RAPGEF2: variants seen among roughly 807,000 people sequenced by gnomAD.
The protein encoded by RAPGEF2 is Rap guanine nucleotide exchange factor 2, also known as PDZ domain containing guanine nucleotide exchange factor (GEF) 1.
RAPGEF2 carries 54 observed loss-of-function variants against 186.7 expected under a neutral mutation model. That is an observed-to-expected ratio of 0.29 (90% CI 0.23 to 0.36). The LOEUF (loss-of-function observed/expected upper bound fraction) is 0.36, where lower values mean the gene tolerates loss of function less well. Ranked by LOEUF, RAPGEF2 falls within the 10% of genes least tolerant of loss-of-function variation. The probability of loss-of-function intolerance (pLI) is 1.00; values close to 1 mark genes in which losing one functional copy is unlikely to be tolerated. For missense variants in RAPGEF2, 1,532 were observed against 2,045.0 expected (o/e 0.75, Z 4.84); for synonymous variants, 712 against 705.9 (o/e 1.01, Z -0.14).
intron 4 of RAPGEF2, among the ~76,000 whole-genome samples, chr4:159,224,736 C>T (rs1751855578): frequency 6.6e-6 from 1 of 152,060 alleles, no homozygotes. Flanking sequence ...AGAAGAGAAT[C>T]CCTGGAAGAT....
chr4:159,138,368 A>G (rs760186065), intron 1 of RAPGEF2, among the ~76,000 whole-genome samples: 17 of 152,368 alleles, frequency 1.1e-4, no homozygotes, highest in Middle Eastern at 3.4e-3. Flanking sequence ...TTATCCAGCT[A>G]AAGTTACTAA....
At chr4:159,112,343 A>G (rs1012786415) in intron 1 of RAPGEF2, among the ~76,000 whole-genome samples, 3 of 152,172 alleles carry the variant, frequency 2.0e-5, no homozygotes, top group African/African-American at 7.2e-5. Flanking sequence ...AGCATACCAC[A>G]TTTGGGAGAT....
intron 1 of RAPGEF2, among the ~76,000 whole-genome samples, chr4:159,166,098 AGG>A (rs1354399797): frequency 6.6e-6 from 1 of 152,114 alleles, no homozygotes; most frequent in East Asian, 1.9e-4. Flanking sequence ...GTGGATCACA[AGG>A]TTGGGAGTTT....
At chr4:159,123,521 T>C (rs892941966) in intron 1 of RAPGEF2, among the ~76,000 whole-genome samples, 2 of 151,512 alleles carry the variant, frequency 1.3e-5, no homozygotes, top group Non-Finnish European at 2.9e-5. Context: ...TGTCTGTGGG[T>C]GGGATATGGA....
At chr4:159,146,314 A>G (rs1742954040) in intron 1 of RAPGEF2, among the ~76,000 whole-genome samples, 1 of 151,914 alleles carries the variant, frequency 6.6e-6, no homozygotes. Context: ...GCCATAAAAA[A>G]TCAGAAGTTT....
chr4:159,153,973 TTCTA>T (rs1176786947), intron 1 of RAPGEF2, among the ~76,000 whole-genome samples: 1 of 152,208 alleles, frequency 6.6e-6, no homozygotes, highest in Non-Finnish European at 1.5e-5. Context: ...TTTTAAACAT[TTCTA>T]TCTCTCAGTC....
intron 1 of RAPGEF2, among the ~76,000 whole-genome samples, chr4:159,144,308 C>T (rs541533321): frequency 1.3e-5 from 2 of 152,146 alleles, no homozygotes; most frequent in Non-Finnish European, 2.9e-5. Context: ...GTTCATTTAT[C>T]TTAGTTGGTG....
chr4:159,190,305 G>A (rs1188454656), intron 2 of RAPGEF2, among the ~76,000 whole-genome samples: 1 of 152,190 alleles, frequency 6.6e-6, no homozygotes, highest in Non-Finnish European at 1.5e-5. Context: ...AAGCTTTGTG[G>A]GGCCTTGTGG....
At chr4:159,139,760 G>A (rs1742111653) in intron 1 of RAPGEF2, among the ~76,000 whole-genome samples, 1 of 152,158 alleles carries the variant, frequency 6.6e-6, no homozygotes, top group Non-Finnish European at 1.5e-5. Flanking sequence ...TGAACAAAGA[G>A]GACAGATTTT....
intron 1 of RAPGEF2, among the ~76,000 whole-genome samples, chr4:159,179,928 T>C (rs575123340): frequency 6.6e-6 from 1 of 152,322 alleles, no homozygotes; most frequent in South Asian, 2.1e-4. Flanking sequence ...GTGCAAGTTT[T>C]AAGGGTTCCT....
chr4:159,332,730 T>C lies in RAPGEF2; in HGVS notation c.2135+33T>C, dbSNP rs748423912. On this transcript the variant is annotated intron_variant, in intron 17 of 29. Transcript: ENST00000691494. ...TCTGCATATGTCTTCTGTGCATTATTTTATTTTGTTAAAATGATATGCAAA... is the reference window on the plus strand; with the variant it reads ...TCTGCATATGTCTTCTGTGCATTATCTTATTTTGTTAAAATGATATGCAAA... 1.1e-5 allele frequency: 18 copies of C among 1,599,452 alleles called. No homozygotes were observed. The Admixed American group carries it at 3.1e-4, about 28-fold the overall frequency.
rs34827512 is a variant in RAPGEF2 at position 159,195,875 on chromosome 4, GT to G, written c.197+2648del. Reference sequence around the variant, plus strand: ...GATTACAGTGTCTTCAAACATACCTGTTTTTTTTTTTTTTTTTTTTTTTTTT... The same window carrying G: ...GATTACAGTGTCTTCAAACATACCTGTTTTTTTTTTTTTTTTTTTTTTTTT... On this transcript the variant is annotated intron_variant, in intron 3 of 29. Transcript: ENST00000691494. Among the ~76,000 whole-genome samples, 813 of 94,164 alleles carry G rather than the reference GT, an allele frequency of 8.6e-3. 3 individuals are homozygous for G. The highest frequency in any genetic ancestry group is 0.02 in the African/African-American group (502 of 25,354). The allele number at this position is 94,164 out of a possible 152,430, so 61.8% of individuals were successfully genotyped here. A position where few individuals can be genotyped will look rare whatever the true frequency, so the allele number is the denominator to read the frequency against.
chr4:159,156,500 A>G (rs1744136334), intron 1 of RAPGEF2, among the ~76,000 whole-genome samples: 1 of 152,004 alleles, frequency 6.6e-6, no homozygotes, highest in Non-Finnish European at 1.5e-5. Flanking sequence ...AAAAAAAATT[A>G]TACTTTAAGT....
intron 1 of RAPGEF2, among the ~76,000 whole-genome samples, chr4:159,104,524 G>GAC (rs1326898834): frequency 0.014 from 1,635 of 117,442 alleles, 46 homozygotes; most frequent in Middle Eastern, 0.025. Flanking sequence ...GAGAGAGAGA[G>GAC]AGGGAGAGAC....
chr4:159,281,070 C>T (rs1759632298), intron 7 of RAPGEF2, among the ~76,000 whole-genome samples: 1 of 151,720 alleles, frequency 6.6e-6, no homozygotes. Flanking sequence ...ACTGCAACCT[C>T]TACTTCCGCC....
intron 7 of RAPGEF2, among the ~76,000 whole-genome samples, chr4:159,295,359 A>G (rs1348589517): frequency 6.6e-6 from 1 of 152,076 alleles, no homozygotes; most frequent in Non-Finnish European, 1.5e-5. Context: ...ATTGAAAAGG[A>G]AAAGGAATTA....
intron 5 of RAPGEF2, among the ~76,000 whole-genome samples, chr4:159,239,628 T>G (rs1753717758): frequency 6.6e-6 from 1 of 152,216 alleles, no homozygotes; most frequent in African/African-American, 2.4e-5. Context: ...CCTGTCATAC[T>G]TTTTACTTAC....
chr4:159,180,974 A>G (rs946968930), intron 1 of RAPGEF2, among the ~76,000 whole-genome samples: 1 of 152,230 alleles, frequency 6.6e-6, no homozygotes, highest in Non-Finnish European at 1.5e-5. Context: ...TGTTATAATT[A>G]AGATAAAGAA....
chr4:159,191,462 C>G (rs993367752), intron 2 of RAPGEF2, among the ~76,000 whole-genome samples: 4 of 152,092 alleles, frequency 2.6e-5, no homozygotes, highest in African/African-American at 4.8e-5. Flanking sequence ...CAACTCAGGC[C>G]GGGCGCGATG....
Sources: gnomAD v4.1 joint callset for allele counts (sites outside exome capture counted in the v4.1 genomes callset) on GRCh38, gnomAD v4.1.1 for gene constraint, MANE v1.5 for transcripts, NCBI Gene and HGNC (gene_info 2026-07-23, HGNC 2026-07-21) for gene names.